The following AMZ1 variants were observed in gnomAD, a reference collection of about 807,000 sequenced individuals.
AMZ1 encodes the protein archaemetzincin-1.
Under a neutral mutation model 29.9 loss-of-function variants are expected in AMZ1, and 39 were observed. The ratio of observed to expected loss-of-function variants is 1.30; its 90% CI spans 1.01 to 1.70. The LOEUF is 1.70. Among genes scored for constraint, AMZ1 ranks in the 40% most tolerant of loss-of-function variants. The pLI, the probability that AMZ1 is intolerant of heterozygous loss-of-function variation, is 0.00. For missense variants in AMZ1, 1,041 were observed against 680.6 expected (o/e 1.53, Z -5.89); for synonymous variants, 458 against 304.0 (o/e 1.51, Z -5.27).
At chr7:2,712,145 G>A (rs1056031716) in intron 6 of AMZ1, among the ~76,000 whole-genome samples, 185 bp from the exon 7 acceptor site, 3 of 152,212 alleles carry the variant, frequency 2.0e-5, no homozygotes, top group African/African-American at 4.8e-5. Context: ...CTCTGACTCT[G>A]GCACAGCCTG....
At chr7:2,735,123 T>C (rs1481942301) in intron 4 of AMZ1, among the ~76,000 whole-genome samples, 2 of 152,126 alleles carry the variant, frequency 1.3e-5, no homozygotes, top group Admixed American at 1.3e-4. Flanking sequence ...ACTCCCTGAT[T>C]TACGACAAGT....
At chr7:2,721,302 G>C (rs1789410676), downstream of AMZ1, among the ~76,000 whole-genome samples, 1 of 152,238 alleles carries the variant, frequency 6.6e-6, no homozygotes. Context: ...CCGCAGATGT[G>C]TGGAAGATGT....
At chr7:2,683,495 T>G (rs1476753260), upstream of AMZ1, among the ~76,000 whole-genome samples, 2 of 152,186 alleles carry the variant, frequency 1.3e-5, no homozygotes, top group Non-Finnish European at 2.9e-5. Flanking sequence ...TGGAGTGCAG[T>G]GGCACGATCT....
chr7:2,758,278 A>C (rs1219364080), intron 4 of AMZ1, among the ~76,000 whole-genome samples: 1 of 152,232 alleles, frequency 6.6e-6, no homozygotes, highest in East Asian at 1.9e-4. Context: ...TAATCCTAGC[A>C]CTTTAAGAAA....
In AMZ1 at chr7:2,708,724, G is replaced by T; in HGVS notation, c.601+8G>T. 2 of 1,612,062 alleles carry T rather than the reference G, an allele frequency of 1.2e-6. No homozygotes were observed. The highest frequency in any genetic ancestry group is 1.7e-6 in the Non-Finnish European group (2 of 1,179,960). On this transcript the variant is annotated splice_region_variant and intron_variant, in intron 4 of 6. Coordinates refer to ENST00000683327, the MANE Select transcript of AMZ1 (RefSeq NM_001384743.1). ...AGTTCCTTCCAGGGCACGGTGAGCC[G>T]GGGCCCCAGCAGCTGTGCGTGGGGG...
chr7:2,733,857 G>C (rs943146701), intron 4 of AMZ1, among the ~76,000 whole-genome samples: 3 of 152,216 alleles, frequency 2.0e-5, no homozygotes, highest in Admixed American at 6.5e-5. Flanking sequence ...GGACAGGCTA[G>C]AATAGGATTT....
In AMZ1 at chr7:2,731,370, G is replaced by A. The variant is rs760309527; in HGVS notation, n.550+21554G>A. 3.4e-5 allele frequency: 55 copies of A among 1,613,452 alleles called. No individual in the cohort carries two copies. The highest frequency in any genetic ancestry group is 8.9e-5 in the East Asian group (4 of 44,874). On this transcript the variant is annotated intron_variant and non_coding_transcript_variant, in intron 4 of 4. Coordinates refer to the AMZ1 transcript ENST00000489665. The surrounding 1 kb of genome is among the most constrained non-coding windows in gnomAD (Gnocchi z 6.0). The stretch of plus-strand genomic sequence containing the variant: ...GGACGTCCTCCAGCCTGTGCGGGTC[G>A]CCCCTGAAGTCCGGGAAGTGCTTCT...
At chr7:2,720,016 G>C (rs978777427), downstream of AMZ1, among the ~76,000 whole-genome samples, 3 of 152,224 alleles carry the variant, frequency 2.0e-5, no homozygotes, top group African/African-American at 7.2e-5. Flanking sequence ...TAAACGAAGA[G>C]GATGAAATTC....
chr7:2,703,506 A>G lies in AMZ1; in HGVS notation c.472+617A>G, dbSNP rs572784774. 9.8e-5 allele frequency among the ~76,000 whole-genome samples: 10 copies of G among 102,214 alleles called. No homozygotes were observed. The South Asian group carries it at 2.4e-3, about 24-fold the overall frequency. The allele number at this position is 102,214 out of a possible 152,430, so 67.1% of individuals were successfully genotyped here. On this transcript the variant is annotated intron_variant, in intron 3 of 6. Transcript: ENST00000683327. ...CTTCCGTCTTTGCATAGTACTTTAC[A>G]CGTGCCTAGATCTCAACCCTCAAGC...
intron 4 of AMZ1, among the ~76,000 whole-genome samples, chr7:2,725,041 AG>A (rs760157867): frequency 1.3e-5 from 2 of 152,142 alleles, no homozygotes; most frequent in Non-Finnish European, 1.5e-5. Flanking sequence ...AACTTGCAGC[AG>A]CATCCACCAG....
chr7:2,741,217 G>T (rs1000052206), intron 4 of AMZ1, among the ~76,000 whole-genome samples: 4 of 152,124 alleles, frequency 2.6e-5, no homozygotes, highest in African/African-American at 9.7e-5. Flanking sequence ...ACTAGGTGTG[G>T]CGGCACGCAC....
intron 4 of AMZ1, chr7:2,730,321 G>A (rs944848060): frequency 3.3e-5 from 5 of 152,320 alleles, no homozygotes; most frequent in East Asian, 1.9e-4. Context: ...TGTCTTTGCC[G>A]TTGGGTTGGG....
chr7:2,713,109 G>A lies in AMZ1; in HGVS notation c.*231G>A. ...ATTAAAAAATTAGCTGGATGAAGTG[G>A]TTCATGCCTGTGTTCCCAGCTATTC... On this transcript the variant is annotated 3_prime_UTR_variant, in exon 7 of 7. Transcript: ENST00000683327. 4.9e-6 allele frequency: 2 copies of A among 407,768 alleles called. No homozygotes were observed. The highest frequency in any genetic ancestry group is 8.5e-6 in the Non-Finnish European group (2 of 236,084). The allele number at this position is 407,768 out of a possible 1,614,324, so 25.3% of individuals were successfully genotyped here. A position where few individuals can be genotyped will look rare whatever the true frequency, so the allele number is the denominator to read the frequency against.
rs933391112 is a variant in AMZ1, at chr7:2,718,130, C to T, written c.*5252C>T. Among the ~76,000 whole-genome samples, 1 of 152,202 alleles carries T rather than the reference C, an allele frequency of 6.6e-6. No individual in the cohort carries two copies. Among genetic ancestry groups the T allele is most frequent in the Non-Finnish European group, 1.5e-5 (1 of 68,034 alleles). ...ACCTACCAGATTCCACCACTGAGGC[C>T]TCCCTCGATGCCTGCTCCCTGGGCT... On this transcript the variant is annotated 3_prime_UTR_variant, in exon 7 of 7. Coordinates refer to ENST00000683327, the MANE Select transcript of AMZ1 (RefSeq NM_001384743.1).
intron 1 of AMZ1, among the ~76,000 whole-genome samples, chr7:2,696,392 G>A (rs1383053120): frequency 1.3e-5 from 2 of 150,974 alleles, no homozygotes; most frequent in Non-Finnish European, 3.0e-5. Flanking sequence ...AAGTAGCTGG[G>A]ACTACAGGCG....
At chr7:2,705,801 C>A (rs965182585) in intron 3 of AMZ1, among the ~76,000 whole-genome samples, 1 of 152,176 alleles carries the variant, frequency 6.6e-6, no homozygotes, top group Non-Finnish European at 1.5e-5. Flanking sequence ...ACAGTGGGGT[C>A]TGGGGACAAT....
At chr7:2,684,784 A>G (rs578096131), upstream of AMZ1, among the ~76,000 whole-genome samples, 9 of 149,634 alleles carry the variant, frequency 6.0e-5, no homozygotes, top group African/African-American at 2.2e-4. Context: ...GGCACCCAGG[A>G]GGGGCCCTAC....
chr7:2,755,375 T>G (rs968168631), intron 4 of AMZ1, among the ~76,000 whole-genome samples: 3 of 152,382 alleles, frequency 2.0e-5, no homozygotes, highest in South Asian at 2.1e-4. Context: ...GCACTGAGTT[T>G]TCCATGAACA....
chr7:2,737,309 G>T lies in AMZ1; in HGVS notation n.551-27403G>T, dbSNP rs181589997. On this transcript the variant is annotated intron_variant and non_coding_transcript_variant, in intron 4 of 4. Transcript: ENST00000489665. ...TTTTTGTTTTTTTTTTTTTTTTTGA[G>T]ATGGAGTCTCGCCCTGTCGCCCCGG... is the stretch of plus-strand genomic sequence containing the variant. Among the ~76,000 whole-genome samples, 289 of 75,206 alleles carry T rather than the reference G, an allele frequency of 3.8e-3. 2 individuals carry two copies. Among genetic ancestry groups the T allele is most frequent in the African/African-American group, 0.016 (268 of 16,410 alleles). 49.3% of individuals were successfully genotyped at this position (75,206 alleles called of 152,430 possible). A position where few individuals can be genotyped will look rare whatever the true frequency, so the allele number is the denominator to read the frequency against.
Sources: gnomAD v4.1 joint callset for allele counts (sites outside exome capture counted in the v4.1 genomes callset) on GRCh38, gnomAD v4.1.1 for gene constraint, Gnocchi (gnomAD v3.1) non-coding constraint, MANE v1.5 for transcripts, NCBI Gene and HGNC (gene_info 2026-07-23, HGNC 2026-07-21) for gene names.